Variants in SART1 observed in about 807,000 individuals in gnomAD.
The protein encoded by SART1 is U4/U6.U5 tri-snRNP-associated protein 1.
Under a neutral mutation model 105.0 loss-of-function variants are expected in SART1, and 28 were observed. That is an observed-to-expected ratio of 0.27 (90% confidence interval 0.20 to 0.37). The LOEUF (loss-of-function observed/expected upper bound fraction) is 0.37, where lower values mean the gene tolerates loss of function less well. Ranked by LOEUF, SART1 falls within the 10% of genes least tolerant of loss-of-function variation. SART1 has a pLI of 1.00. For synonymous variants in SART1, 472 were observed against 462.9 expected (o/e 1.02, Z -0.25); for missense variants, 894 against 1,106.5 (o/e 0.81, Z 2.72).
chr11:65,963,190 C>G (rs1011363276), intron 1 of SART1, among the ~76,000 whole-genome samples: 1 of 151,600 alleles, frequency 6.6e-6, no homozygotes, highest in Non-Finnish European at 1.5e-5. Flanking sequence ...AAAGATGTTA[C>G]CAAAAAAAGG....
rs1590646528 is a variant in SART1, at chr11:65,978,239, C to G, written c.2172+340C>G. ...AGCGTCCAGGCCCTTCCAGCACTCT[C>G]GTAGGCCGCCCGACCGTCCTGCCCT... On this transcript the variant is annotated intron_variant, in intron 17 of 19. Transcript: ENST00000312397. This position sits in a 1 kb window ranked among gnomAD's most constrained non-coding sequence, Gnocchi z 6.8. 2.0e-6 allele frequency: 1 copy of G among 496,316 alleles called. No individual in the cohort carries two copies. Among genetic ancestry groups the G allele is most frequent in the Non-Finnish European group, 3.7e-6 (1 of 273,834 alleles). The allele number at this position is 496,316 out of a possible 1,614,324, so 30.7% of individuals were successfully genotyped here.
chr11:65,979,263 C>A lies in SART1; in HGVS notation c.*233C>A. On this transcript the variant is annotated 3_prime_UTR_variant, in exon 20 of 20. Coordinates refer to ENST00000312397, the MANE Select transcript of SART1 (RefSeq NM_005146.5). ...GGCTCCTTCCTTCTCCCCTGGCTGTCGGTCACACCTCTGCAGGGCCGGCTC... is the reference window on the plus strand; with the variant it reads ...GGCTCCTTCCTTCTCCCCTGGCTGTAGGTCACACCTCTGCAGGGCCGGCTC... The A allele has an allele frequency of 1.6e-6, 1 of 609,248 alleles. No homozygotes were observed. Among genetic ancestry groups the A allele is most frequent in the Non-Finnish European group, 2.9e-6 (1 of 343,544 alleles). The allele number at this position is 609,248 out of a possible 1,614,324, so 37.7% of individuals were successfully genotyped here.
At chr11:65,975,750 A>G (rs1855468022) in intron 12 of SART1, among the ~76,000 whole-genome samples, 2 of 152,072 alleles carry the variant, frequency 1.3e-5, no homozygotes. Context: ...AGGAGTGAGG[A>G]CTTTGCTGTC....
chr11:65,978,934 T>C lies in SART1; in HGVS notation c.2384+20T>C. 3 of 1,608,366 alleles carry C rather than the reference T, an allele frequency of 1.9e-6. No individual in the cohort carries two copies. The highest frequency in any genetic ancestry group is 1.3e-5 in the African/African-American group (1 of 74,532). The stretch of plus-strand genomic sequence containing the variant: ...GAACGCGTGAGTGGCTCGAGGCTGG[T>C]GGGGTAGGGTGTGGTGGGGAGGGGT... On this transcript the variant is annotated intron_variant, in intron 19 of 19. Transcript: ENST00000312397. The surrounding 1 kb of genome is among the most constrained non-coding windows in gnomAD (Gnocchi z 6.8).
chr11:65,962,058 TGAAGCGGGA>T lies in SART1; in HGVS notation c.285_293del (p.Glu96_Arg98del). The T allele has an allele frequency of 6.9e-7, 1 of 1,445,282 alleles. No individual in the cohort carries two copies. Among genetic ancestry groups the T allele is most frequent in the Admixed American group, 2.5e-5 (1 of 40,242 alleles). The allele number at this position is 1,445,282 out of a possible 1,614,324, so 89.5% of individuals were successfully genotyped here. The stretch of plus-strand genomic sequence containing the variant: ...CAGGCAGAGCCCTCCGAGCGGCGCG[TGAAGCGGGA>T]GAAGCGCGATGACGGCTACGAGGCC... On this transcript the variant is annotated inframe_deletion, in exon 1 of 20. Transcript: ENST00000312397.
intron 12 of SART1, among the ~76,000 whole-genome samples, chr11:65,974,302 AGGT>A (rs1418544661): frequency 7.4e-6 from 1 of 135,870 alleles, no homozygotes; most frequent in Admixed American, 8.3e-5. Flanking sequence ...TGAACCCGAG[AGGT>A]GGAGGTTGCA....
chr11:65,972,439 A>G (rs539971363), intron 12 of SART1, among the ~76,000 whole-genome samples: 26 of 152,320 alleles, frequency 1.7e-4, no homozygotes, highest in African/African-American at 5.8e-4. Flanking sequence ...TAAAAACTTC[A>G]CATTTCGGAA....
At chr11:65,974,537 G>T (rs1200740418) in intron 12 of SART1, among the ~76,000 whole-genome samples, 2 of 151,490 alleles carry the variant, frequency 1.3e-5, no homozygotes, top group African/African-American at 4.9e-5. Context: ...AAATTAGCTG[G>T]TTGTGGAGGC....
intron 12 of SART1, among the ~76,000 whole-genome samples, chr11:65,968,065 T>C (rs917142118): frequency 6.7e-6 from 1 of 150,070 alleles, no homozygotes; most frequent in African/African-American, 2.4e-5. Context: ...TTCTTATTCC[T>C]CAGCCTCCTG....
In SART1 at chr11:65,978,950, G is replaced by T. The variant is rs1396305442; in HGVS notation, c.2384+36G>T. The stretch of plus-strand genomic sequence containing the variant: ...CGAGGCTGGTGGGGTAGGGTGTGGT[G>T]GGGAGGGGTGGCGTGGCCTGTGCCC... On this transcript the variant is annotated intron_variant, in intron 19 of 19. Transcript: ENST00000312397. This position sits in a 1 kb window ranked among gnomAD's most constrained non-coding sequence, Gnocchi z 6.8. The T allele has an allele frequency of 6.2e-7, 1 of 1,613,482 alleles. No homozygotes were observed. Among genetic ancestry groups the T allele is most frequent in the African/African-American group, 1.3e-5 (1 of 74,906 alleles).
Position 65,979,450 on chromosome 11 carries a change from C to T in SART1, c.*420C>T. 2 of 245,780 alleles carry T rather than the reference C, an allele frequency of 8.1e-6. No individual in the cohort carries two copies. Among genetic ancestry groups the T allele is most frequent in the South Asian group, 1.1e-4 (2 of 17,502 alleles). The allele number at this position is 245,780 out of a possible 1,614,324, so 15.2% of individuals were successfully genotyped here. A position where few individuals can be genotyped will look rare whatever the true frequency, so the allele number is the denominator to read the frequency against. On this transcript the variant is annotated 3_prime_UTR_variant, in exon 20 of 20. Transcript: ENST00000312397. Reference sequence around the variant, plus strand: ...TTGGGCTTTGGGTAGGGCACAGGTGCCACCTTCTGTCCTGGCTGTCCTGTG... The same window carrying T: ...TTGGGCTTTGGGTAGGGCACAGGTGTCACCTTCTGTCCTGGCTGTCCTGTG...
At chr11:65,972,017 A>G (rs1334071524) in intron 12 of SART1, among the ~76,000 whole-genome samples, 1 of 152,040 alleles carries the variant, frequency 6.6e-6, no homozygotes, top group Non-Finnish European at 1.5e-5. Context: ...TCCACCTCCT[A>G]AAGGTGCTCT....
intron 5 of SART1, 66 bp downstream of exon 5, chr11:65,965,513 G>A (rs1473976824): frequency 6.8e-7 from 1 of 1,479,540 alleles, no homozygotes. Flanking sequence ...ACTGAGGCGG[G>A]GGCCAACCCC....
chr11:65,976,606 C>A lies in SART1; in HGVS notation c.1746+38C>A. The A allele has an allele frequency of 6.2e-7, 1 of 1,613,508 alleles. No homozygotes were observed. The highest frequency in any genetic ancestry group is 1.1e-5 in the South Asian group (1 of 91,068). On this transcript the variant is annotated intron_variant, in intron 13 of 19. Coordinates refer to ENST00000312397, the MANE Select transcript of SART1 (RefSeq NM_005146.5). The surrounding 1 kb of genome is among the most constrained non-coding windows in gnomAD (Gnocchi z 5.1). ...CGGCCCCGCCCTCTGCTTCCCTCGG[C>A]TGGGTGGGCTGGCTGGGGCCTGGGC... is the stretch of plus-strand genomic sequence containing the variant.
Position 65,978,590 on chromosome 11 carries a change from G to A in SART1, c.2173-10G>A, listed in dbSNP as rs778562324. On this transcript the variant is annotated splice_polypyrimidine_tract_variant and intron_variant, in intron 17 of 19. Transcript: ENST00000312397. The surrounding 1 kb of genome is among the most constrained non-coding windows in gnomAD (Gnocchi z 6.8). ...GGCCCTGCATCTCCTCTCATGCCCC[G>A]CGTCCCCAGGCTTTCCGGCAGCTGT... 50 of 1,554,546 alleles carry A rather than the reference G, an allele frequency of 3.2e-5. No homozygotes were observed. In the Middle Eastern group the frequency reaches 5.7e-4, roughly 18 times the overall value.
At chr11:65,964,868 T>C (rs1445401941) in intron 3 of SART1, among the ~76,000 whole-genome samples, 1 of 152,220 alleles carries the variant, frequency 6.6e-6, no homozygotes, top group Admixed American at 6.5e-5. Context: ...TGTTTTTCTT[T>C]AAAGCACGAT....
Position 65,973,391 on chromosome 11 carries a change from A to G in SART1, c.1573-3004A>G, listed in dbSNP as rs1022560687. ...ATAAGACAGGCAGTTCACAGAAGAGAAAGCCTAACTCACCAGGAAAATACC... is the reference window on the plus strand; with the variant it reads ...ATAAGACAGGCAGTTCACAGAAGAGGAAGCCTAACTCACCAGGAAAATACC... On this transcript the variant is annotated intron_variant, in intron 12 of 19. Transcript: ENST00000312397. Among the ~76,000 whole-genome samples the G allele has an allele frequency of 4.6e-5, 7 of 152,288 alleles. No individual in the cohort carries two copies. In the East Asian group the frequency reaches 1.3e-3, roughly 29 times the overall value.
rs574845401 is a variant in SART1 at position 65,976,784 on chromosome 11, G to A, written c.1857+18G>A. On this transcript the variant is annotated intron_variant, in intron 14 of 19. Transcript: ENST00000312397. The surrounding 1 kb of genome is among the most constrained non-coding windows in gnomAD (Gnocchi z 5.1). Reference sequence around the variant, plus strand: ...AGCAGGATGTGAGGGCCGCGCCGCTGGGGGGTGGGCGTTTGGGGGTGCTCA... The same window carrying A: ...AGCAGGATGTGAGGGCCGCGCCGCTAGGGGGTGGGCGTTTGGGGGTGCTCA... 5 of 1,578,594 alleles carry A rather than the reference G, an allele frequency of 3.2e-6. No homozygotes were observed. The highest frequency in any genetic ancestry group is 1.1e-5 in the South Asian group (1 of 87,998).
intron 12 of SART1, among the ~76,000 whole-genome samples, chr11:65,968,547 G>A (rs151206894): frequency 2.4e-4 from 37 of 152,306 alleles, no homozygotes; most frequent in African/African-American, 8.2e-4. Flanking sequence ...ATAACGTGCC[G>A]GGGGTTGGGA....
Sources: gnomAD v4.1 joint callset for allele counts (sites outside exome capture counted in the v4.1 genomes callset) on GRCh38, gnomAD v4.1.1 for gene constraint, Gnocchi (gnomAD v3.1) non-coding constraint, MANE v1.5 for transcripts, NCBI Gene and HGNC (gene_info 2026-07-23, HGNC 2026-07-21) for gene names.